The following L3MBTL3 variants were observed in gnomAD, a reference collection of about 807,000 sequenced individuals.
L3MBTL3 encodes lethal(3)malignant brain tumor-like protein 3.
In L3MBTL3, 27 loss-of-function variants were observed where a neutral mutation model predicts 102.3. The observed-to-expected ratio is 0.26, with a 90% CI of 0.19 to 0.36. The LOEUF (loss-of-function observed/expected upper bound fraction) is 0.36. L3MBTL3 is among the 10% of genes least tolerant of loss of function. The pLI is 1.00. For missense variants in L3MBTL3, 798 were observed against 955.3 expected, an observed-to-expected ratio of 0.84 and a Z score of 2.17; for synonymous variants, 340 against 320.9, an observed-to-expected ratio of 1.06 and a Z score of -0.64.
At chr6:130,097,345 T>C (rs1784419464) in intron 18 of L3MBTL3, among the ~76,000 whole-genome samples, 1 of 152,228 alleles carries the variant, frequency 6.6e-6, no homozygotes, top group Admixed American at 6.5e-5. Context: ...AGAAACTGCA[T>C]GTATCAAAAC....
rs750171620 is a variant in L3MBTL3, at chr6:130,120,952, G to A, written c.1960G>A (p.Ala654Thr). 7 of 1,603,966 alleles carry A rather than the reference G, an allele frequency of 4.4e-6. No homozygotes were observed. In the African/African-American group the frequency reaches 8.0e-5, roughly 18 times the overall value. The change falls in exon 20 of 23, where the codon GCC becomes ACC. Residue 654 changes from alanine to threonine, a missense_variant. Around this residue, in one of 4 missense-constraint regions of L3MBTL3, gnomAD observed 306 missense variants for 314.4 expected, o/e 0.97. Transcript: ENST00000361794. ...AAGTGAAATGAGAACATCACATGAA[G>A]CCAGAGGTAGCCATAATAATTCTCA... is the stretch of plus-strand genomic sequence containing the variant. Reference protein sequence around the residue: ...TESEMRTSHEARGAREEPTVQ... With the variant: ...TESEMRTSHETRGAREEPTVQ...
intron 11 of L3MBTL3, among the ~76,000 whole-genome samples, chr6:130,067,187 C>T (rs1422403411): frequency 6.6e-6 from 1 of 152,102 alleles, no homozygotes; most frequent in Non-Finnish European, 1.5e-5. Context: ...GATATTGGCT[C>T]ACTGCAGCCA....
intron 2 of L3MBTL3, among the ~76,000 whole-genome samples, chr6:130,040,251 C>T (rs1003209565): frequency 2.0e-5 from 3 of 151,744 alleles, no homozygotes; most frequent in African/African-American, 7.3e-5. Flanking sequence ...ATTGCTTGAA[C>T]CCGGGAGGCG....
At chr6:130,037,375 T>C (rs1780127494) in intron 2 of L3MBTL3, among the ~76,000 whole-genome samples, 1 of 152,136 alleles carries the variant, frequency 6.6e-6, no homozygotes, top group South Asian at 2.1e-4. Flanking sequence ...ACTCAGATAT[T>C]ACCAAGTTTA....
At chr6:130,064,870 T>C (rs1782146255) in intron 10 of L3MBTL3, among the ~76,000 whole-genome samples, 3 of 152,150 alleles carry the variant, frequency 2.0e-5, no homozygotes, top group Admixed American at 6.5e-5. Flanking sequence ...GAGCAGAAGC[T>C]CAGAACGGTG....
At chr6:130,031,938 G>C (rs983496074) in intron 2 of L3MBTL3, among the ~76,000 whole-genome samples, 2 of 151,748 alleles carry the variant, frequency 1.3e-5, no homozygotes, top group African/African-American at 4.8e-5. Context: ...TTGAGATAGA[G>C]CTTCACTGTG....
intron 18 of L3MBTL3, among the ~76,000 whole-genome samples, chr6:130,098,420 G>A (rs1327178036): frequency 6.6e-6 from 1 of 152,190 alleles, no homozygotes; most frequent in African/African-American, 2.4e-5. Context: ...GGCAGGAGTG[G>A]AGTGGCGCTC....
At chr6:130,107,196 T>C (rs755603730) in intron 19 of L3MBTL3, among the ~76,000 whole-genome samples, 1 of 97,638 alleles carries the variant, frequency 1.0e-5, no homozygotes, top group South Asian at 3.3e-4. Flanking sequence ...GAGGTGTTCA[T>C]AGGTTGAACT....
chr6:130,127,158 C>G (rs1222660780), intron 20 of L3MBTL3, among the ~76,000 whole-genome samples: 1 of 152,188 alleles, frequency 6.6e-6, no homozygotes, highest in Non-Finnish European at 1.5e-5. Context: ...GATGAAAAGT[C>G]TCTCTGAGCA....
At chr6:130,132,134 C>G (rs971260423) in intron 20 of L3MBTL3, among the ~76,000 whole-genome samples, 6 of 152,138 alleles carry the variant, frequency 3.9e-5, no homozygotes, top group African/African-American at 1.4e-4. Context: ...TGTTCATGAT[C>G]TCCAAATAAA....
At chr6:130,083,473 A>G in intron 14 of L3MBTL3, 147 bp from the exon 15 acceptor site, 1 of 391,734 alleles carries the variant, frequency 2.6e-6, no homozygotes, top group South Asian at 5.9e-5. Context: ...CATTATTACT[A>G]ATAGCTCTGA....
At chr6:130,081,059 C>G (rs1783308868) in intron 14 of L3MBTL3, among the ~76,000 whole-genome samples, 1 of 152,234 alleles carries the variant, frequency 6.6e-6, no homozygotes, top group South Asian at 2.1e-4. Flanking sequence ...GCCCTCTAGG[C>G]CACCACCACG....
chr6:130,055,615 T>C (rs1781436617), intron 8 of L3MBTL3, among the ~76,000 whole-genome samples: 3 of 92,016 alleles, frequency 3.3e-5, no homozygotes, highest in Non-Finnish European at 6.3e-5. Flanking sequence ...TGTCTCCGCC[T>C]CTCCCTGTCT....
chr6:130,070,884 C>A, intron 12 of L3MBTL3, 92 bp from the exon 13 acceptor site: 1 of 701,758 alleles, frequency 1.4e-6, no homozygotes, highest in Non-Finnish European at 2.0e-6. Context: ...GCAGTGGATG[C>A]TGGGCCTTTG....
intron 19 of L3MBTL3, among the ~76,000 whole-genome samples, chr6:130,107,442 C>G (rs1582583610): frequency 6.6e-6 from 1 of 152,136 alleles, no homozygotes; most frequent in Non-Finnish European, 1.5e-5. Flanking sequence ...CCTGAGCTTT[C>G]TGTTTAACTA....
At chr6:130,023,436 C>T (rs970786711) in intron 2 of L3MBTL3, among the ~76,000 whole-genome samples, 3 of 152,080 alleles carry the variant, frequency 2.0e-5, no homozygotes, top group Non-Finnish European at 2.9e-5. Context: ...AAATCAGTTT[C>T]CTAAGATGGT....
rs773877284 is a variant in L3MBTL3 at position 130,094,346 on chromosome 6, C to T, written c.1715C>T (p.Ala572Val). The change falls in exon 18 of 23, where the codon GCG becomes GTG. Residue 572 changes from alanine (A) to valine (V), a missense_variant. Ala to Val is a moderately conservative substitution (Grantham distance 64). This residue lies in a region of L3MBTL3 where 306 missense variants were observed against 314.4 expected (regional missense o/e 0.97). Coordinates refer to ENST00000361794, the MANE Select transcript of L3MBTL3 (RefSeq NM_032438.4). ...GCKGIGHFKR[A>V]RHLGPHSAAN... Reference sequence around the variant, plus strand: ...AAAGGGATTGGCCATTTCAAGAGAGCGAGACATCTGGGCCCTCACAGGTAT... The same window carrying T: ...AAAGGGATTGGCCATTTCAAGAGAGTGAGACATCTGGGCCCTCACAGGTAT... 8.7e-6 allele frequency: 14 copies of T among 1,613,248 alleles called. No individual in the cohort carries two copies. The highest frequency in any genetic ancestry group is 2.7e-5 in the African/African-American group (2 of 74,882).
At chr6:130,018,783 G>A (rs914816954) in intron 1 of L3MBTL3, 119 bp downstream of exon 1, 1 of 152,214 alleles carries the variant, frequency 6.6e-6, no homozygotes, top group Non-Finnish European at 1.5e-5. Flanking sequence ...AGGGAAGGAA[G>A]CGCACCCTCG....
intron 3 of L3MBTL3, among the ~76,000 whole-genome samples, chr6:130,043,826 AC>A (rs1175667313): frequency 2.0e-5 from 3 of 152,146 alleles, no homozygotes; most frequent in Non-Finnish European, 4.4e-5. Flanking sequence ...TTGGAAAAAT[AC>A]TTAGATTTTA....
Sources: allele counts gnomAD v4.1 joint callset (sites outside exome capture counted in the v4.1 genomes callset), GRCh38; gene constraint gnomAD v4.1.1; regional missense constraint gnomAD v4.1.1; transcripts MANE v1.5; gene names NCBI Gene and HGNC (gene_info 2026-07-23, HGNC 2026-07-21).